PARVA: variants seen among roughly 807,000 people sequenced by gnomAD.
The protein encoded by PARVA is parvin alpha, also known as alpha-parvin.
PARVA carries 25 observed loss-of-function variants against 52.6 expected under a neutral mutation model. The ratio of observed to expected loss-of-function variants is 0.48; its 90% CI spans 0.35 to 0.66. PARVA has a LOEUF of 0.66. Ranked by LOEUF, PARVA falls within the 30% of genes least tolerant of loss-of-function variation. PARVA has a pLI of 0.01. For synonymous variants in PARVA, 185 were observed against 179.1 expected (o/e 1.03, Z -0.26); for missense variants, 373 against 450.9 (o/e 0.83, Z 1.56).
At position 12,528,014 on chromosome 11, in the gene PARVA, G is replaced by T; in HGVS notation, c.*89G>T. On this transcript the variant is annotated 3_prime_UTR_variant, in exon 13 of 13. Transcript: ENST00000334956. Reference sequence around the variant, plus strand: ...GAACTGCCTTACCCTGCTTATTCCTGTCTCTTGCACTGTGCTCTCCCACAA... The same window carrying T: ...GAACTGCCTTACCCTGCTTATTCCTTTCTCTTGCACTGTGCTCTCCCACAA... 1.1e-6 allele frequency: 1 copy of T among 911,124 alleles called. No homozygotes were observed. The allele number at this position is 911,124 out of a possible 1,614,324, so 56.4% of individuals were successfully genotyped here.
rs779628716 is a variant in PARVA, at chr11:12,533,176, A to T, written c.*5251A>T. On this transcript the variant is annotated 3_prime_UTR_variant, in exon 13 of 13. Transcript: ENST00000334956. ...CCTCTCCACAATGTGTCCTGAGAAGAGCTAGGGGAACTGGACAGAGTGGAC... is the reference window on the plus strand; with the variant it reads ...CCTCTCCACAATGTGTCCTGAGAAGTGCTAGGGGAACTGGACAGAGTGGAC... Among the ~76,000 whole-genome samples the T allele has an allele frequency of 1.3e-5, 2 of 152,168 alleles. No homozygotes were observed. The highest frequency in any genetic ancestry group is 2.9e-5 in the Non-Finnish European group (2 of 68,022).
chr11:12,411,848 G>C (rs912257256), intron 1 of PARVA, among the ~76,000 whole-genome samples: 11 of 152,048 alleles, frequency 7.2e-5, no homozygotes, highest in Non-Finnish European at 1.2e-4. Flanking sequence ...GACCTACGAG[G>C]TCTTCTCACT....
intron 1 of PARVA, among the ~76,000 whole-genome samples, chr11:12,392,697 G>A (rs1024651310): frequency 6.6e-6 from 1 of 152,060 alleles, no homozygotes; most frequent in African/African-American, 2.4e-5. Flanking sequence ...TACAAGTTTT[G>A]GTATAGACAC....
intron 1 of PARVA, among the ~76,000 whole-genome samples, chr11:12,428,869 A>C (rs1164542444): frequency 6.6e-6 from 1 of 152,248 alleles, no homozygotes; most frequent in Non-Finnish European, 1.5e-5. Context: ...ATCATTTGCT[A>C]AGTGAATAAA....
intron 1 of PARVA, among the ~76,000 whole-genome samples, chr11:12,427,402 T>G (rs1022735358): frequency 3.3e-5 from 5 of 152,232 alleles, no homozygotes; most frequent in Admixed American, 3.3e-4. Flanking sequence ...TTCATGACCC[T>G]GTTCAAATCC....
chr11:12,380,740 A>G (rs1214302440), intron 1 of PARVA, among the ~76,000 whole-genome samples: 1 of 140,294 alleles, frequency 7.1e-6, no homozygotes, highest in Non-Finnish European at 1.5e-5. Context: ...CCAGATTAGG[A>G]CTGTCATCTC....
In PARVA at chr11:12,528,808, A is replaced by T. The variant is rs976040420; in HGVS notation, c.*883A>T. ...TTTGTACAAATGAAAATTACTCTTA[A>T]TTCCTTCAGATTTATAATAACTCTG... is the stretch of plus-strand genomic sequence containing the variant. On this transcript the variant is annotated 3_prime_UTR_variant, in exon 13 of 13. Coordinates refer to ENST00000334956, the MANE Select transcript of PARVA (RefSeq NM_018222.5). The T allele has an allele frequency of 2.6e-5, 4 of 151,712 alleles. No individual in the cohort carries two copies. In the Admixed American group the frequency reaches 2.7e-4, roughly 10 times the overall value. The allele number at this position is 151,712 out of a possible 1,614,324, so 9.4% of individuals were successfully genotyped here.
At chr11:12,435,315 T>C (rs1940371893) in intron 1 of PARVA, among the ~76,000 whole-genome samples, 1 of 152,146 alleles carries the variant, frequency 6.6e-6, no homozygotes, top group Admixed American at 6.5e-5. Context: ...CCCATCCTTT[T>C]CCCCTTCTCC....
At chr11:12,519,905 G>A (rs1296161135) in intron 12 of PARVA, among the ~76,000 whole-genome samples, 1 of 152,196 alleles carries the variant, frequency 6.6e-6, no homozygotes, top group Non-Finnish European at 1.5e-5. Context: ...ATGCCATTAG[G>A]AATGGACTCT....
chr11:12,524,791 C>CCA lies in PARVA; in HGVS notation c.1043-3057_1043-3056dup, dbSNP rs1305291181. Among the ~76,000 whole-genome samples, 4 of 152,216 alleles carry CCA rather than the reference C, an allele frequency of 2.6e-5. No homozygotes were observed. In the East Asian group the frequency reaches 7.7e-4, roughly 29 times the overall value. ...GGATCTGTTAATATCCTTGGAGGGT[C>CCA]CATGCTCTCTGTGTTCAAGGAACCT... On this transcript the variant is annotated intron_variant, in intron 12 of 12. Coordinates refer to ENST00000334956, the MANE Select transcript of PARVA (RefSeq NM_018222.5).
At chr11:12,383,120 A>C (rs1328901325) in intron 1 of PARVA, among the ~76,000 whole-genome samples, 1 of 152,132 alleles carries the variant, frequency 6.6e-6, no homozygotes, top group Non-Finnish European at 1.5e-5. Context: ...TCAGCACTTT[A>C]TCTGGGCCCC....
intron 12 of PARVA, 121 bp downstream of exon 12, chr11:12,518,638 A>C (rs1564869627): frequency 8.1e-6 from 6 of 741,810 alleles, no homozygotes; most frequent in Middle Eastern, 2.4e-4. Flanking sequence ...GGAAGGTGGG[A>C]CTCGGTGCAG....
chr11:12,514,897 C>A (rs764909245), intron 10 of PARVA, among the ~76,000 whole-genome samples: 28 of 152,240 alleles, frequency 1.8e-4, no homozygotes, highest in Non-Finnish European at 3.1e-4. Flanking sequence ...TGTCATGTCT[C>A]TTTAGTCTCT....
At chr11:12,464,925 A>T (rs1170342955) in intron 1 of PARVA, among the ~76,000 whole-genome samples, 1 of 152,134 alleles carries the variant, frequency 6.6e-6, no homozygotes, top group South Asian at 2.1e-4. Context: ...TAGTTTCGGG[A>T]TGAAACTGTT....
intron 1 of PARVA, among the ~76,000 whole-genome samples, chr11:12,448,525 C>A (rs1291620983): frequency 6.6e-6 from 1 of 152,166 alleles, no homozygotes; most frequent in Non-Finnish European, 1.5e-5. Flanking sequence ...TCAGCAGATT[C>A]TTGGACAGGG....
intron 1 of PARVA, among the ~76,000 whole-genome samples, chr11:12,397,222 T>C (rs1939761237): frequency 6.6e-6 from 1 of 152,172 alleles, no homozygotes; most frequent in African/African-American, 2.4e-5. Context: ...TAATCATATC[T>C]TTCATTTATT....
chr11:12,447,685 A>G (rs957589278), intron 1 of PARVA, among the ~76,000 whole-genome samples: 4 of 152,254 alleles, frequency 2.6e-5, no homozygotes, highest in African/African-American at 9.6e-5. Context: ...AGCAGTTTGT[A>G]TGAATACTCT....
In PARVA at chr11:12,443,455, G is replaced by C. The variant is rs138756292; in HGVS notation, c.137-30290G>C. On this transcript the variant is annotated intron_variant, in intron 1 of 12. Transcript: ENST00000334956. ...AAAGTGCTGGGATTACAGGCGTGAGGCACCACACCTGGCCAACTTGACTTC... is the reference window on the plus strand; with the variant it reads ...AAAGTGCTGGGATTACAGGCGTGAGCCACCACACCTGGCCAACTTGACTTC... 9.9e-5 allele frequency among the ~76,000 whole-genome samples: 15 copies of C among 151,974 alleles called. No homozygotes were observed. The East Asian group carries it at 2.1e-3, about 22-fold the overall frequency.
At chr11:12,453,625 T>C (rs1940654394) in intron 1 of PARVA, among the ~76,000 whole-genome samples, 1 of 152,206 alleles carries the variant, frequency 6.6e-6, no homozygotes, top group South Asian at 2.1e-4. Flanking sequence ...GTGGGTTTTA[T>C]TGATGTGCAC....
Sources: gnomAD v4.1 joint callset for allele counts (sites outside exome capture counted in the v4.1 genomes callset) on GRCh38, gnomAD v4.1.1 for gene constraint, MANE v1.5 for transcripts, NCBI Gene and HGNC (gene_info 2026-07-23, HGNC 2026-07-21) for gene names.